Variants in AOX1 observed in about 807,000 individuals in gnomAD.
The protein encoded by AOX1 is aldehyde oxidase 1.
In AOX1, 153 loss-of-function variants were observed where a neutral mutation model predicts 169.5. The observed-to-expected ratio is 0.90, with a 90% CI of 0.79 to 1.03. AOX1 has a LOEUF of 1.03. Among genes scored for constraint, AOX1 ranks in the 50% least tolerant of loss-of-function variants. The pLI is 0.00. For missense variants in AOX1, 1,656 were observed against 1,663.9 expected (o/e 1.00, Z 0.08); for synonymous variants, 562 against 581.9 (o/e 0.97, Z 0.49).
chr2:200,602,207 C>A (rs997672049), intron 5 of AOX1, 77 bp from the exon 6 acceptor site: 3 of 1,210,976 alleles, frequency 2.5e-6, no homozygotes, highest in Non-Finnish European at 3.6e-6. Context: ...ATAGGGTCCT[C>A]ATTTCCATCA....
At chr2:200,676,830 T>A (rs930327537) in intron 4 of AOX1, 11 of 451,930 alleles carry the variant, frequency 2.4e-5, no homozygotes, top group African/African-American at 2.3e-4. Flanking sequence ...AGGAAGCAGA[T>A]ACAAATGGCC....
intron 30 of AOX1, 87 bp downstream of exon 30, chr2:200,661,718 G>A (rs902341792): frequency 7.6e-5 from 76 of 1,003,878 alleles, no homozygotes; most frequent in South Asian, 5.5e-5. Flanking sequence ...TTTGGCAAAC[G>A]TTGACTTTCT....
At chr2:200,589,403 A>G (rs1470396216) in intron 1 of AOX1, among the ~76,000 whole-genome samples, 1 of 152,170 alleles carries the variant, frequency 6.6e-6, no homozygotes, top group Non-Finnish European at 1.5e-5. Context: ...TCATGAGGCA[A>G]TGAGGTGTGG....
downstream of AOX1, among the ~76,000 whole-genome samples, chr2:200,677,482 C>T (rs1207184538): frequency 6.6e-6 from 1 of 152,202 alleles, no homozygotes; most frequent in Non-Finnish European, 1.5e-5. Context: ...CCCACCACCA[C>T]CATTGCCACC....
intron 12 of AOX1, among the ~76,000 whole-genome samples, chr2:200,610,834 AT>A (rs1231925890): frequency 1.3e-5 from 2 of 152,090 alleles, no homozygotes; most frequent in Non-Finnish European, 2.9e-5. Context: ...CTTTTCATCT[AT>A]TTTTTAAATC....
chr2:200,590,010 T>C (rs865863894), intron 1 of AOX1, among the ~76,000 whole-genome samples: 7 of 152,310 alleles, frequency 4.6e-5, no homozygotes, highest in Middle Eastern at 3.4e-3. Flanking sequence ...GGCTGTTCCC[T>C]GAGGCTTCTT....
chr2:200,611,514 AT>A, intron 13 of AOX1, 21 bp downstream of exon 13: 1 of 1,474,932 alleles, frequency 6.8e-7, no homozygotes, highest in East Asian at 2.3e-5. Context: ...CCCACTGTCA[AT>A]TTCCCAGTTG....
At chr2:200,591,435 G>A (rs184276604) in intron 1 of AOX1, among the ~76,000 whole-genome samples, 76 of 152,328 alleles carry the variant, frequency 5.0e-4, no homozygotes, top group African/African-American at 1.8e-3. Context: ...AAGAAGAGAG[G>A]AAGGATTTTC....
At position 200,620,667 on chromosome 2, in the gene AOX1, G is replaced by A; in HGVS notation, c.1722G>A (p.Gln574=). Residue 574 remains glutamine, a synonymous_variant, in exon 17 of 35, where the codon CAG becomes CAA. Transcript: ENST00000374700. The stretch of plus-strand genomic sequence containing the variant: ...TTAAACAGAATATAGGCCCAAAGCA[G>A]CATCCTGAAGACCCAATTGGCCACC... ...TLKYQNIGPK[Q]HPEDPIGHPI... 1 of 1,552,170 alleles carries A rather than the reference G, an allele frequency of 6.4e-7. No homozygotes were observed. The highest frequency in any genetic ancestry group is 8.6e-7 in the Non-Finnish European group (1 of 1,160,022).
rs756216774 is a variant in AOX1, at chr2:200,604,743, G to A, written c.717G>A (p.Glu239=). ...AAAGGACCAGGGTGTTTGGCAGTGA[G>A]AGAATGATGTGGTTTTCCCCCGTGA... ...QSQRTRVFGS[E]RMMWFSPVTL... The change falls in exon 9 of 35, where the codon GAG becomes GAA. Residue 239 remains glutamate, a synonymous_variant. Coordinates refer to ENST00000374700, the MANE Select transcript of AOX1 (RefSeq NM_001159.4). The A allele has an allele frequency of 4.3e-6, 7 of 1,614,020 alleles. No homozygotes were observed. The highest frequency in any genetic ancestry group is 3.3e-5 in the Admixed American group (2 of 60,002).
intron 25 of AOX1, among the ~76,000 whole-genome samples, chr2:200,643,377 A>G (rs2035392508): frequency 7.5e-6 from 1 of 133,516 alleles, no homozygotes; most frequent in Non-Finnish European, 1.6e-5. Context: ...ATATATGTGT[A>G]TATATATATA....
In AOX1 at chr2:200,592,801, C is replaced by G. The variant is rs140417936; in HGVS notation, c.46-345C>G. On this transcript the variant is annotated intron_variant, in intron 1 of 34. Coordinates refer to ENST00000374700, the MANE Select transcript of AOX1 (RefSeq NM_001159.4). ...CCTTTCCTTTCTTATTTCATCCACT[C>G]CTCCCCCAAGTCTGAATGTTCTACT... 4.9e-3 allele frequency among the ~76,000 whole-genome samples: 749 copies of G among 152,278 alleles called. 10 individuals are homozygous for G. Among genetic ancestry groups the G allele is most frequent in the East Asian group, 0.018 (95 of 5,188 alleles).
At chr2:200,657,192 T>TA (rs1559258569) in intron 27 of AOX1, among the ~76,000 whole-genome samples, 2,621 of 68,360 alleles carry the variant, frequency 0.038, 41 homozygotes, top group Non-Finnish European at 0.061. Context: ...ATATATATAT[T>TA]TTTTTTTTTT....
downstream of AOX1, among the ~76,000 whole-genome samples, chr2:200,679,740 A>G (rs2036137640): frequency 6.6e-6 from 1 of 152,088 alleles, no homozygotes; most frequent in Non-Finnish European, 1.5e-5. Flanking sequence ...TCCTGCCACA[A>G]AGACATAAAA....
chr2:200,637,580 TACAC>T (rs1450618526), intron 22 of AOX1, among the ~76,000 whole-genome samples: 1 of 152,136 alleles, frequency 6.6e-6, no homozygotes, highest in Non-Finnish European at 1.5e-5. Flanking sequence ...TACATATACA[TACAC>T]ATATATACAT....
At position 200,641,173 on chromosome 2, in the gene AOX1, G is replaced by T. The variant is rs1269170989; in HGVS notation, c.2644G>T (p.Glu882Ter). Residue 882 changes from glutamate (E) to a stop codon, truncating the protein, a stop_gained, in exon 24 of 35, where the codon GAA (glutamate) becomes TAA (stop). Transcript: ENST00000374700. LOFTEE classifies it high-confidence loss of function. Reference sequence around the variant, plus strand: ...CAGCAATGCAGGCGCCTCCTTGGATGAATCATTATTCGTAAGTGTTTTAAG... The same window carrying T: ...CAGCAATGCAGGCGCCTCCTTGGATTAATCATTATTCGTAAGTGTTTTAAG... ...HYSNAGASLDESLFVIEMGLL... is the reference protein window; with the variant it reads ...HYSNAGASLD The T allele has an allele frequency of 6.2e-7, 1 of 1,609,506 alleles. No individual in the cohort carries two copies. Among genetic ancestry groups the T allele is most frequent in the East Asian group, 2.2e-5 (1 of 44,842 alleles).
Position 200,620,740 on chromosome 2 carries a change from T to G in AOX1, c.1795T>G (p.Tyr599Asp). 1 of 1,607,780 alleles carries G rather than the reference T, an allele frequency of 6.2e-7. No individual in the cohort carries two copies. The highest frequency in any genetic ancestry group is 8.5e-7 in the Non-Finnish European group (1 of 1,178,028). The change falls in exon 17 of 35, where the codon TAC becomes GAC. Residue 599 changes from tyrosine (Y) to aspartate (D), a missense_variant. Transcript: ENST00000374700. ...GVKHATGEAI[Y>D]CDDMPLVDQE... is the part of the protein sequence containing the mutation. The stretch of plus-strand genomic sequence containing the variant: ...GAAGCATGCCACGGGGGAGGCCATC[T>G]ACTGTGATGACATGCCTCTGGTGGA...
chr2:200,612,996 CTG>C (rs1254894174), intron 14 of AOX1, among the ~76,000 whole-genome samples: 2 of 113,116 alleles, frequency 1.8e-5, no homozygotes, highest in Non-Finnish European at 3.7e-5. Flanking sequence ...ATTATATACT[CTG>C]TGTGCGTGTG....
chr2:200,623,593 A>T (rs992284812), intron 18 of AOX1, among the ~76,000 whole-genome samples: 18 of 152,226 alleles, frequency 1.2e-4, no homozygotes, highest in African/African-American at 4.3e-4. Context: ...ACAGCCTCAT[A>T]GGCTTGGCCT....
Sources: allele counts gnomAD v4.1 joint callset (sites outside exome capture counted in the v4.1 genomes callset), GRCh38; gene constraint gnomAD v4.1.1; transcripts MANE v1.5; gene names NCBI Gene and HGNC (gene_info 2026-07-23, HGNC 2026-07-21).